RPS6KC1: variants seen among roughly 807,000 people sequenced by gnomAD.
The protein encoded by RPS6KC1 is ribosomal protein S6 kinase C1, also known as inactive ribosomal protein S6 kinase delta-1.
In RPS6KC1, 54 loss-of-function variants were observed where a neutral mutation model predicts 103.8. The observed-to-expected ratio is 0.52, with a 90% CI of 0.42 to 0.65. RPS6KC1 has a LOEUF of 0.65. Ranked by LOEUF, RPS6KC1 falls within the 30% of genes least tolerant of loss-of-function variation. RPS6KC1 has a pLI of 0.00. For synonymous variants in RPS6KC1, 439 were observed against 438.7 expected, an observed-to-expected ratio of 1.00 and a Z score of -0.01; for missense variants, 1,151 against 1,253.8, an observed-to-expected ratio of 0.92 and a Z score of 1.24.
At chr1:213,824,410 C>A in the RPS6KC1 span, among the ~76,000 whole-genome samples, 1 of 152,134 alleles carries the variant, frequency 6.6e-6, no homozygotes, top group South Asian at 2.1e-4. Flanking sequence ...CTGGTGCCCC[C>A]AGTTCTCAAC....
chr1:213,530,399 A>G, the RPS6KC1 span, among the ~76,000 whole-genome samples: 2 of 152,234 alleles, frequency 1.3e-5, no homozygotes, highest in African/African-American at 4.8e-5. Context: ...TTTCAGCTAT[A>G]GACTTAAGAT....
chr1:213,823,755 A>ACACACACACAC, the RPS6KC1 span, among the ~76,000 whole-genome samples: 1 of 100,598 alleles, frequency 9.9e-6, no homozygotes, highest in Admixed American at 9.8e-5. Context: ...CACACACACC[A>ACACACACACAC]CACCACATCA....
chr1:213,695,828 T>C, the RPS6KC1 span, among the ~76,000 whole-genome samples: 3 of 152,146 alleles, frequency 2.0e-5, no homozygotes, highest in Non-Finnish European at 2.9e-5. Context: ...AGGCAAAAAA[T>C]ACACAAACAG....
At chr1:213,653,574 GTTCT>G in the RPS6KC1 span, among the ~76,000 whole-genome samples, 6 of 151,914 alleles carry the variant, frequency 3.9e-5, no homozygotes, top group Admixed American at 3.3e-4. Flanking sequence ...TTTTCTTTAT[GTTCT>G]TTCTTAGGCT....
At chr1:213,251,372 C>A (rs1188264939) in intron 12 of RPS6KC1, among the ~76,000 whole-genome samples, 1 of 152,168 alleles carries the variant, frequency 6.6e-6, no homozygotes, top group Non-Finnish European at 1.5e-5. Context: ...TCTCAAAGTG[C>A]TGGGATTACA....
At chr1:213,537,249 A>G in the RPS6KC1 span, among the ~76,000 whole-genome samples, 6 of 152,096 alleles carry the variant, frequency 3.9e-5, no homozygotes, top group Non-Finnish European at 7.4e-5. Flanking sequence ...CCACTCCTGA[A>G]TTCCCTAGTT....
At chr1:213,309,293 TCAAA>T in the RPS6KC1 span, among the ~76,000 whole-genome samples, 1 of 151,970 alleles carries the variant, frequency 6.6e-6, no homozygotes, top group Non-Finnish European at 1.5e-5. Context: ...AGACTTCATC[TCAAA>T]CAAACAAAAA....
chr1:213,575,410 C>T, the RPS6KC1 span, among the ~76,000 whole-genome samples: 3 of 152,236 alleles, frequency 2.0e-5, no homozygotes, highest in East Asian at 3.9e-4. Flanking sequence ...GGCTGTGTCC[C>T]CACCCAAATC....
At chr1:213,514,352 G>A in the RPS6KC1 span, among the ~76,000 whole-genome samples, 1 of 151,380 alleles carries the variant, frequency 6.6e-6, no homozygotes, top group Non-Finnish European at 1.5e-5. Context: ...TTAACATTAG[G>A]TATATCGCCT....
chr1:213,314,168 A>T, the RPS6KC1 span, among the ~76,000 whole-genome samples: 2 of 152,086 alleles, frequency 1.3e-5, no homozygotes, highest in Non-Finnish European at 2.9e-5. Context: ...GTCACGTGGC[A>T]TCTGCTGGTA....
the RPS6KC1 span, among the ~76,000 whole-genome samples, chr1:213,454,883 G>C: frequency 6.6e-6 from 1 of 152,192 alleles, no homozygotes; most frequent in African/African-American, 2.4e-5. Context: ...CTCTGGCGGG[G>C]ACCCATCTGC....
the RPS6KC1 span, among the ~76,000 whole-genome samples, chr1:213,603,872 A>G: frequency 6.6e-6 from 1 of 152,092 alleles, no homozygotes; most frequent in African/African-American, 2.4e-5. Context: ...AAAAAGAAAA[A>G]CAAAAAAAAG....
the RPS6KC1 span, among the ~76,000 whole-genome samples, chr1:213,725,061 C>CT: frequency 6.6e-6 from 1 of 152,188 alleles, no homozygotes; most frequent in African/African-American, 2.4e-5. Context: ...CTTTCTAACA[C>CT]TTTTTTGTCT....
chr1:213,155,793 T>G (rs1312198388), intron 6 of RPS6KC1, among the ~76,000 whole-genome samples: 1 of 152,154 alleles, frequency 6.6e-6, no homozygotes, highest in African/African-American at 2.4e-5. Flanking sequence ...TAACTTGGTG[T>G]TCTTGTGGGC....
the RPS6KC1 span, among the ~76,000 whole-genome samples, chr1:213,425,938 G>C: frequency 2.6e-5 from 4 of 152,278 alleles, no homozygotes; most frequent in African/African-American, 9.6e-5. Context: ...CTTGGGTTGA[G>C]GGAGGAATGT....
chr1:213,148,498 G>A (rs936757850), intron 6 of RPS6KC1, among the ~76,000 whole-genome samples: 17 of 152,060 alleles, frequency 1.1e-4, no homozygotes, highest in Admixed American at 1.1e-3. Context: ...TGCATATGTT[G>A]AGCCATCTTT....
At chr1:213,176,720 G>T (rs2091898332) in intron 8 of RPS6KC1, 1 of 318,298 alleles carries the variant, frequency 3.1e-6, no homozygotes, top group Non-Finnish European at 5.9e-6. Flanking sequence ...ATATTTGTTG[G>T]CATTCAGTTG....
chr1:213,251,077 T>A (rs1323029533), intron 12 of RPS6KC1, among the ~76,000 whole-genome samples: 4 of 151,916 alleles, frequency 2.6e-5, no homozygotes, highest in Non-Finnish European at 4.4e-5. Context: ...CAGTCCTGTC[T>A]TCTTTATTCG....
chr1:213,456,877 A>T, the RPS6KC1 span, among the ~76,000 whole-genome samples: 8 of 152,266 alleles, frequency 5.3e-5, no homozygotes, highest in East Asian at 5.8e-4. Context: ...TTTTGTATGT[A>T]GTTTCTTAAT....
Sources: allele counts gnomAD v4.1 joint callset (sites outside exome capture counted in the v4.1 genomes callset), GRCh38; gene constraint gnomAD v4.1.1; transcripts MANE v1.5; gene names NCBI Gene and HGNC (gene_info 2026-07-23, HGNC 2026-07-21).